ENTPD1: variants seen among roughly 807,000 people sequenced by gnomAD.
ENTPD1 encodes the protein ATP diphosphohydrolase.
Under a neutral mutation model 57.0 loss-of-function variants are expected in ENTPD1, and 33 were observed. That is an observed-to-expected ratio of 0.58 (90% CI 0.44 to 0.77). The LOEUF is 0.77. Ranked by LOEUF, ENTPD1 falls within the 30% of genes least tolerant of loss-of-function variation. The pLI is 0.00. For missense variants in ENTPD1, 501 were observed against 603.4 expected, an observed-to-expected ratio of 0.83 and a Z score of 1.78; for synonymous variants, 202 against 218.8, an observed-to-expected ratio of 0.92 and a Z score of 0.68.
intron 1 of ENTPD1, among the ~76,000 whole-genome samples, chr10:95,815,146 G>T (rs995873920): frequency 1.3e-5 from 2 of 152,152 alleles, no homozygotes; most frequent in African/African-American, 4.8e-5. Flanking sequence ...ATGGGGTTGG[G>T]GTAGAATAAG....
intron 1 of ENTPD1, among the ~76,000 whole-genome samples, chr10:95,735,177 G>A (rs1387727354): frequency 2.0e-5 from 3 of 152,110 alleles, no homozygotes; most frequent in East Asian, 1.9e-4. Flanking sequence ...GACTACAGGT[G>A]TGTGCCACCA....
At chr10:95,755,917 G>A, upstream of ENTPD1, 1 of 1,500,196 alleles carries the variant, frequency 6.7e-7, no homozygotes, top group Non-Finnish European at 8.9e-7. Context: ...AAGGGAGAGA[G>A]GGAAGAAGGG....
intron 1 of ENTPD1, among the ~76,000 whole-genome samples, chr10:95,778,216 GTCT>G (rs1384743368): frequency 6.6e-6 from 1 of 152,176 alleles, no homozygotes; most frequent in Non-Finnish European, 1.5e-5. Flanking sequence ...AAAATCACCT[GTCT>G]TCTTTGTCAG....
At chr10:95,845,202 G>A (rs1333319869) in intron 5 of ENTPD1, among the ~76,000 whole-genome samples, 155 bp from the exon 6 acceptor site, 2 of 152,178 alleles carry the variant, frequency 1.3e-5, no homozygotes, top group Non-Finnish European at 2.9e-5. Flanking sequence ...CTCTTTTCTT[G>A]CTGATAATCT....
intron 5 of ENTPD1, 52 bp from the exon 6 acceptor site, chr10:95,845,305 A>T: frequency 1.9e-6 from 3 of 1,613,300 alleles, no homozygotes; most frequent in Non-Finnish European, 1.7e-6. Context: ...AGATACTATG[A>T]AAAGCAGGGT....
Position 95,872,825 on chromosome 10 carries a change from T to A in ENTPD1, c.*6442T>A. Reference sequence around the variant, plus strand: ...GTAACCATCTTCTTTCTCCAGGTTTTAAGAACCAGCCCAACTCCTGGTTCC... The same window carrying A: ...GTAACCATCTTCTTTCTCCAGGTTTAAAGAACCAGCCCAACTCCTGGTTCC... On this transcript the variant is annotated 3_prime_UTR_variant, in exon 10 of 10. Transcript: ENST00000371205. The A allele has an allele frequency of 1.0e-6, 1 of 985,448 alleles. No homozygotes were observed. The highest frequency in any genetic ancestry group is 1.7e-5 in the African/African-American group (1 of 57,362). 61.0% of individuals were successfully genotyped at this position (985,448 alleles called of 1,614,324 possible).
the ENTPD1 span, among the ~76,000 whole-genome samples, chr10:95,705,225 A>G: frequency 4.2e-3 from 636 of 152,194 alleles, 2 homozygotes; most frequent in Middle Eastern, 0.01. Context: ...AAACATATAC[A>G]TACCCTATGA....
At chr10:95,770,147 A>C (rs902663142) in intron 1 of ENTPD1, among the ~76,000 whole-genome samples, 1 of 151,982 alleles carries the variant, frequency 6.6e-6, no homozygotes, top group African/African-American at 2.4e-5. Flanking sequence ...GAAAAAAAAA[A>C]AAACGACAAT....
At chr10:95,771,378 TC>T (rs2140099207) in intron 1 of ENTPD1, among the ~76,000 whole-genome samples, 1 of 152,332 alleles carries the variant, frequency 6.6e-6, no homozygotes, top group South Asian at 2.1e-4. Context: ...TTCTTTAGGA[TC>T]AATTCCTAAA....
At chr10:95,803,391 A>G (rs1222186745) in intron 1 of ENTPD1, among the ~76,000 whole-genome samples, 2 of 152,172 alleles carry the variant, frequency 1.3e-5, no homozygotes, top group Non-Finnish European at 2.9e-5. Context: ...CTTTTTAATA[A>G]TTGCCATTCT....
At chr10:95,757,747 G>A (rs1248578335) in intron 1 of ENTPD1, among the ~76,000 whole-genome samples, 1 of 152,062 alleles carries the variant, frequency 6.6e-6, no homozygotes, top group Non-Finnish European at 1.5e-5. Context: ...GCTCGCACCT[G>A]TAATCCCAGC....
At chr10:95,785,215 A>C (rs2098174355) in intron 1 of ENTPD1, 1 of 152,216 alleles carries the variant, frequency 6.6e-6, no homozygotes, top group Non-Finnish European at 1.5e-5. Context: ...ATTCAAGGGC[A>C]TCTCTTGTTC....
At chr10:95,778,787 GTTTT>G (rs1189493625) in intron 1 of ENTPD1, among the ~76,000 whole-genome samples, 2 of 151,468 alleles carry the variant, frequency 1.3e-5, no homozygotes, top group Non-Finnish European at 2.9e-5. Flanking sequence ...TGTTTCCTCT[GTTTT>G]TTTAACTGTG....
intron 1 of ENTPD1, among the ~76,000 whole-genome samples, chr10:95,820,733 C>A (rs1370075948): frequency 1.3e-5 from 2 of 152,196 alleles, no homozygotes; most frequent in African/African-American, 4.8e-5. Context: ...CTATCAAGTT[C>A]CTTGGTTTGA....
chr10:95,715,498 C>G (rs934584357), intron 1 of ENTPD1, among the ~76,000 whole-genome samples: 1 of 151,658 alleles, frequency 6.6e-6, no homozygotes, highest in African/African-American at 2.4e-5. Context: ...TTAATACATC[C>G]TGACAATTTT....
intron 1 of ENTPD1, among the ~76,000 whole-genome samples, chr10:95,716,166 C>A (rs1295848837): frequency 1.3e-5 from 2 of 152,156 alleles, no homozygotes; most frequent in Admixed American, 1.3e-4. Context: ...GTGCCCAGCT[C>A]ATTTTTAAGT....
chr10:95,842,502 A>C lies in ENTPD1; in HGVS notation c.413+8A>C, dbSNP rs1413748649. ...AGGCATGCGGTTGCTCAGGTATAGCAGCATGTAGGGACCAAGAGTATCTGG... is the reference window on the plus strand; with the variant it reads ...AGGCATGCGGTTGCTCAGGTATAGCCGCATGTAGGGACCAAGAGTATCTGG... On this transcript the variant is annotated splice_region_variant and intron_variant, in intron 4 of 9. Coordinates refer to ENST00000371205, the MANE Select transcript of ENTPD1 (RefSeq NM_001776.6). 2.5e-6 allele frequency: 4 copies of C among 1,612,804 alleles called. No homozygotes were observed. In the South Asian group the frequency reaches 4.4e-5, roughly 18 times the overall value.
intron 2 of ENTPD1, among the ~76,000 whole-genome samples, chr10:95,825,961 T>G (rs1590034620): frequency 6.6e-6 from 1 of 152,280 alleles, no homozygotes; most frequent in Admixed American, 6.5e-5. Context: ...TTTTATAAAT[T>G]TATGCATCGA....
chr10:95,738,094 C>T (rs1373439626), intron 1 of ENTPD1, among the ~76,000 whole-genome samples: 4 of 152,138 alleles, frequency 2.6e-5, no homozygotes, highest in South Asian at 4.1e-4. Context: ...TCCCAATGTT[C>T]TGGAAAAGTC....
Sources: gnomAD v4.1 joint callset for allele counts (sites outside exome capture counted in the v4.1 genomes callset) on GRCh38, gnomAD v4.1.1 for gene constraint, MANE v1.5 for transcripts, NCBI Gene and HGNC (gene_info 2026-07-23, HGNC 2026-07-21) for gene names.